Variants in RNLS observed in about 807,000 individuals in gnomAD.
RNLS encodes the protein renalase.
RNLS carries 39 observed loss-of-function variants against 39.8 expected under a neutral mutation model. The observed-to-expected ratio is 0.98, with a 90% CI of 0.76 to 1.28. The LOEUF (loss-of-function observed/expected upper bound fraction) is 1.28, where lower values mean the gene tolerates loss of function less well. RNLS is among the 50% of genes most tolerant of loss of function. The pLI is 0.00. For synonymous variants in RNLS, 147 were observed against 150.7 expected, an observed-to-expected ratio of 0.98 and a Z score of 0.18; for missense variants, 410 against 413.3, an observed-to-expected ratio of 0.99 and a Z score of 0.07.
intron 4 of RNLS, among the ~76,000 whole-genome samples, chr10:88,454,896 G>C (rs2133910964): frequency 6.6e-6 from 1 of 152,128 alleles, no homozygotes; most frequent in South Asian, 2.1e-4. Flanking sequence ...TCCTGAATTG[G>C]AACTATTTGA....
intron 4 of RNLS, chr10:88,545,364 A>G (rs1239007305): frequency 4.6e-6 from 2 of 433,100 alleles, no homozygotes; most frequent in Non-Finnish European, 9.2e-6. Flanking sequence ...TAATTTATAA[A>G]GAAAAAGAGG....
chr10:88,420,658 A>T (rs1854351310), intron 4 of RNLS, among the ~76,000 whole-genome samples: 1 of 152,242 alleles, frequency 6.6e-6, no homozygotes, highest in Non-Finnish European at 1.5e-5. Flanking sequence ...AATGACCCTC[A>T]TCTCAGGAGC....
the RNLS span, among the ~76,000 whole-genome samples, chr10:88,188,597 A>C: frequency 2.0e-5 from 3 of 152,234 alleles, no homozygotes; most frequent in Non-Finnish European, 2.9e-5. Context: ...AATGGTCTAG[A>C]CAATGCAACC....
intron 5 of RNLS, among the ~76,000 whole-genome samples, chr10:88,331,185 T>G (rs1001470181): frequency 7.9e-5 from 12 of 152,196 alleles, no homozygotes; most frequent in African/African-American, 2.9e-4. Context: ...AACTTTATAT[T>G]AAAAGTTCAA....
chr10:88,552,596 T>C (rs7077844), intron 4 of RNLS, among the ~76,000 whole-genome samples: 15,503 of 152,238 alleles, frequency 0.1, 1,002 homozygotes, highest in Middle Eastern at 0.18. Context: ...ATTTTATAAA[T>C]CTATTGTCTG....
chr10:88,363,059 T>C (rs1036140600), intron 4 of RNLS, among the ~76,000 whole-genome samples: 1 of 152,182 alleles, frequency 6.6e-6, no homozygotes, highest in Non-Finnish European at 1.5e-5. Context: ...CACTGACCCC[T>C]TACTACAAGT....
rs188595086 is a variant in RNLS, at chr10:88,569,765, A to G, written c.526+3138T>C. 3.5e-4 allele frequency among the ~76,000 whole-genome samples: 53 copies of G among 152,344 alleles called. No homozygotes were observed. The East Asian group carries it at 8.5e-3, about 24-fold the overall frequency. ...GGTGTTGGGACAACTGGCTAGCCAG[A>G]TGAACAAGATTGACACATGTTCACC... On this transcript the variant is annotated intron_variant, in intron 4 of 6. Coordinates refer to ENST00000331772, the MANE Select transcript of RNLS (RefSeq NM_001031709.3).
At chr10:88,277,538 A>G (rs1473462800) in intron 6 of RNLS, among the ~76,000 whole-genome samples, 2 of 152,204 alleles carry the variant, frequency 1.3e-5, no homozygotes, top group African/African-American at 2.4e-5. Context: ...TATATATAAG[A>G]TACATTTGCT....
chr10:88,194,082 A>G, the RNLS span, among the ~76,000 whole-genome samples: 11 of 152,336 alleles, frequency 7.2e-5, 1 homozygote, highest in African/African-American at 2.6e-4. Context: ...TCTGGGCTCA[A>G]TATATCTTTT....
chr10:88,386,513 A>C (rs1054649106), intron 4 of RNLS, among the ~76,000 whole-genome samples: 6 of 152,200 alleles, frequency 3.9e-5, no homozygotes, highest in African/African-American at 1.4e-4. Flanking sequence ...TAGGTTTCAA[A>C]GGTTATGAGA....
chr10:88,203,316 A>ATG, the RNLS span, among the ~76,000 whole-genome samples: 6 of 4,854 alleles, frequency 1.2e-3, 1 homozygote, highest in East Asian at 8.9e-3. Context: ...ATATATACGT[A>ATG]TGTATATATA....
In RNLS at chr10:88,375,319, T is replaced by C. The variant is rs571361660; in HGVS notation, c.527-12594A>G. On this transcript the variant is annotated intron_variant, in intron 4 of 6. Coordinates refer to ENST00000331772, the MANE Select transcript of RNLS (RefSeq NM_001031709.3). ...TCTTTTAAAATGAAATTAGATGTCA[T>C]AAAGGACTATGAACTAGTAAGAGTT... Among the ~76,000 whole-genome samples the C allele has an allele frequency of 3.3e-5, 5 of 152,266 alleles. No individual in the cohort carries two copies. The South Asian group carries it at 8.3e-4, about 25-fold the overall frequency.
intron 4 of RNLS, among the ~76,000 whole-genome samples, chr10:88,379,361 CA>C (rs1285077619): frequency 6.6e-6 from 1 of 151,472 alleles, no homozygotes. Flanking sequence ...ATATTTTGAA[CA>C]AAAAAAATTC....
At chr10:88,397,686 T>G (rs764276141) in intron 4 of RNLS, among the ~76,000 whole-genome samples, 1 of 151,804 alleles carries the variant, frequency 6.6e-6, no homozygotes, top group Non-Finnish European at 1.5e-5. Flanking sequence ...TCCAACACAA[T>G]CGCTATAAAA....
At chr10:88,320,837 C>A (rs963481451) in intron 5 of RNLS, among the ~76,000 whole-genome samples, 1 of 146,954 alleles carries the variant, frequency 6.8e-6, no homozygotes, top group Admixed American at 6.9e-5. Flanking sequence ...AGATAGACAG[C>A]CTTACAATAA....
chr10:88,544,011 A>G (rs1190309115), intron 4 of RNLS, among the ~76,000 whole-genome samples: 2 of 152,180 alleles, frequency 1.3e-5, no homozygotes, highest in African/African-American at 2.4e-5. Flanking sequence ...ATGGCCTAGG[A>G]AGGAACCCTC....
At chr10:88,188,785 AAG>A in the RNLS span, among the ~76,000 whole-genome samples, 1 of 152,194 alleles carries the variant, frequency 6.6e-6, no homozygotes, top group African/African-American at 2.4e-5. Flanking sequence ...CATAAATAAA[AAG>A]AACAGGAGAA....
At chr10:88,476,442 A>G (rs967996716) in intron 4 of RNLS, among the ~76,000 whole-genome samples, 3 of 152,188 alleles carry the variant, frequency 2.0e-5, no homozygotes, top group African/African-American at 2.4e-5. Flanking sequence ...CCAAGGAGCT[A>G]TTCTTTTATC....
At chr10:88,198,917 A>G in the RNLS span, among the ~76,000 whole-genome samples, 1 of 152,180 alleles carries the variant, frequency 6.6e-6, no homozygotes, top group Non-Finnish European at 1.5e-5. Flanking sequence ...ATTAATACTA[A>G]TAAAAGTGTA....
Sources: allele counts gnomAD v4.1 joint callset (sites outside exome capture counted in the v4.1 genomes callset), GRCh38; gene constraint gnomAD v4.1.1; transcripts MANE v1.5; gene names NCBI Gene and HGNC (gene_info 2026-07-23, HGNC 2026-07-21).